FBN2: variants seen among roughly 807,000 people sequenced by gnomAD.
FBN2 encodes the protein fibrillin 2.
Under a neutral mutation model 355.6 loss-of-function variants are expected in FBN2, and 105 were observed. That is an observed-to-expected ratio of 0.30 (90% confidence interval 0.25 to 0.35). The LOEUF (loss-of-function observed/expected upper bound fraction) is 0.35, where lower values mean the gene tolerates loss of function less well. Ranked by LOEUF, FBN2 falls within the 10% of genes least tolerant of loss-of-function variation. The pLI is 1.00. For synonymous variants in FBN2, 1,350 were observed against 1,301.2 expected, an observed-to-expected ratio of 1.04 and a Z score of -0.81; for missense variants, 3,280 against 3,758.7, an observed-to-expected ratio of 0.87 and a Z score of 3.33.
intron 8 of FBN2, among the ~76,000 whole-genome samples, chr5:128,404,465 C>T (rs1752876881): frequency 6.6e-6 from 1 of 152,202 alleles, no homozygotes; most frequent in Non-Finnish European, 1.5e-5. Context: ...GCTTTCCGAA[C>T]CTCAAGTTAG....
At chr5:128,514,781 T>C (rs1756234981) in intron 5 of FBN2, among the ~76,000 whole-genome samples, 1 of 152,184 alleles carries the variant, frequency 6.6e-6, no homozygotes, top group Non-Finnish European at 1.5e-5. Context: ...TTATGAGTAA[T>C]TAGATTCTCG....
At chr5:128,334,032 T>A (rs1436847716) in intron 31 of FBN2, among the ~76,000 whole-genome samples, 1 of 151,996 alleles carries the variant, frequency 6.6e-6, no homozygotes, top group African/African-American at 2.4e-5. Flanking sequence ...AGTCTTAAAT[T>A]GTGCACTGAG....
chr5:128,347,438 A>C (rs1459484664), intron 23 of FBN2, among the ~76,000 whole-genome samples: 1 of 152,196 alleles, frequency 6.6e-6, no homozygotes, highest in Non-Finnish European at 1.5e-5. Context: ...CTTGCATGGA[A>C]ATTAAAATAT....
At chr5:128,460,806 T>C (rs1013237006) in intron 6 of FBN2, among the ~76,000 whole-genome samples, 4 of 152,210 alleles carry the variant, frequency 2.6e-5, no homozygotes, top group African/African-American at 7.2e-5. Flanking sequence ...GCTAGCCATA[T>C]GCAGAAAATT....
intron 39 of FBN2, among the ~76,000 whole-genome samples, chr5:128,310,398 ATATATTTTTTT>A (rs1419271350): frequency 2.5e-3 from 28 of 11,206 alleles, no homozygotes; most frequent in East Asian, 0.02. Context: ...ATATATATAT[ATATATTTTTTT>A]TTTTTTTTTT....
intron 48 of FBN2, among the ~76,000 whole-genome samples, chr5:128,299,166 C>T (rs1346031466): frequency 1.3e-5 from 2 of 151,912 alleles, no homozygotes; most frequent in Non-Finnish European, 2.9e-5. Context: ...GTCAGGGACC[C>T]ACTTGAGGAG....
chr5:128,457,968 A>C (rs1754445517), intron 6 of FBN2, among the ~76,000 whole-genome samples: 1 of 152,156 alleles, frequency 6.6e-6, no homozygotes, highest in South Asian at 2.1e-4. Context: ...GACAATACTA[A>C]CCTTAAATGT....
At chr5:128,304,469 A>G (rs189173257) in intron 45 of FBN2, among the ~76,000 whole-genome samples, 2 of 152,368 alleles carry the variant, frequency 1.3e-5, no homozygotes, top group East Asian at 1.9e-4. Context: ...TAAGGGATAA[A>G]ACACAAAATA....
rs3805659 is a variant in FBN2 at position 128,444,666 on chromosome 5, C to T, written c.952+1815G>A. ...GGTGGTGCCTACGTGCTATCAATGT[C>T]CCTCTTTCCTAAAGAACATAGGCAA... On this transcript the variant is annotated intron_variant, in intron 7 of 64. Coordinates refer to ENST00000262464, the MANE Select transcript of FBN2 (RefSeq NM_001999.4). Among the ~76,000 whole-genome samples, 181 of 152,296 alleles carry T rather than the reference C, an allele frequency of 1.2e-3. 4 individuals carry two copies. In the East Asian group the frequency reaches 0.032, roughly 27 times the overall value.
At chr5:128,307,964 T>C (rs1474043793) in intron 41 of FBN2, among the ~76,000 whole-genome samples, 2 of 152,126 alleles carry the variant, frequency 1.3e-5, no homozygotes, top group Non-Finnish European at 2.9e-5. Flanking sequence ...ATACCGAGTA[T>C]TGAGAACAGA....
rs571067610 is a variant in FBN2 at position 128,425,207 on chromosome 5, T to C, written c.953-16408A>G. Among the ~76,000 whole-genome samples the C allele has an allele frequency of 9.2e-5, 14 of 152,274 alleles. No homozygotes were observed. The East Asian group carries it at 2.7e-3, about 29-fold the overall frequency. Reference sequence around the variant, plus strand: ...GTTTTAAAATACTGAAGACTTAACATAATGACACTAAGCTTTACAGGGGAA... The same window carrying C: ...GTTTTAAAATACTGAAGACTTAACACAATGACACTAAGCTTTACAGGGGAA... On this transcript the variant is annotated intron_variant, in intron 7 of 64. Coordinates refer to ENST00000262464, the MANE Select transcript of FBN2 (RefSeq NM_001999.4).
chr5:128,480,008 ATATATATATATATATG>A lies in FBN2; in HGVS notation c.629-15103_629-15088del, dbSNP rs1374072117. The stretch of plus-strand genomic sequence containing the variant: ...TATATATATATATATATATATATAT[ATATATATATATATATG>A]TATATACACACACACACACACATAT... On this transcript the variant is annotated intron_variant, in intron 5 of 64. Coordinates refer to ENST00000262464, the MANE Select transcript of FBN2 (RefSeq NM_001999.4). 3.2e-3 allele frequency among the ~76,000 whole-genome samples: 256 copies of A among 80,932 alleles called. 1 individual carries two copies. The highest frequency in any genetic ancestry group is 5.7e-3 in the South Asian group (15 of 2,654). 53.1% of individuals were successfully genotyped at this position (80,932 alleles called of 152,430 possible).
intron 6 of FBN2, among the ~76,000 whole-genome samples, chr5:128,452,217 T>C (rs1368980967): frequency 6.6e-6 from 1 of 152,178 alleles, no homozygotes; most frequent in African/African-American, 2.4e-5. Context: ...TACTAATGAT[T>C]GATTAATTCT....
intron 31 of FBN2, 75 bp from the exon 32 acceptor site, chr5:128,333,109 T>C: frequency 5.3e-6 from 7 of 1,328,058 alleles, no homozygotes; most frequent in East Asian, 4.8e-5. Flanking sequence ...TATTTTTGTA[T>C]AGGTAACATT....
intron 50 of FBN2, 31 bp downstream of exon 50, chr5:128,290,701 A>G (rs1581191663): frequency 6.2e-7 from 1 of 1,611,836 alleles, no homozygotes; most frequent in Non-Finnish European, 8.5e-7. Context: ...CTGGTACACA[A>G]AGTGCTGTCT....
intron 48 of FBN2, 149 bp downstream of exon 48, chr5:128,300,668 G>C (rs1283751794): frequency 1.3e-6 from 1 of 794,292 alleles, no homozygotes; most frequent in African/African-American, 1.7e-5. Flanking sequence ...CATTTCTGAT[G>C]GTTCAGTAAA....
chr5:128,446,386 A>T, intron 7 of FBN2, 95 bp downstream of exon 7: 1 of 1,304,356 alleles, frequency 7.7e-7, no homozygotes, highest in Non-Finnish European at 1.1e-6. Context: ...AAGAGTTTTA[A>T]TTGTGACCAG....
At chr5:128,528,281 G>T (rs186621086) in intron 3 of FBN2, among the ~76,000 whole-genome samples, 125 of 152,272 alleles carry the variant, frequency 8.2e-4, no homozygotes, top group African/African-American at 3.0e-3. Flanking sequence ...AATGCAGGAG[G>T]TGAGTGCCCA....
At chr5:128,275,269 A>G (rs2126806487) in intron 59 of FBN2, among the ~76,000 whole-genome samples, 1 of 152,272 alleles carries the variant, frequency 6.6e-6, no homozygotes, top group Middle Eastern at 3.4e-3. Context: ...TTTAAAATAA[A>G]TATACCACAT....
Sources: gnomAD v4.1 joint callset for allele counts (sites outside exome capture counted in the v4.1 genomes callset) on GRCh38, gnomAD v4.1.1 for gene constraint, MANE v1.5 for transcripts, NCBI Gene and HGNC (gene_info 2026-07-23, HGNC 2026-07-21) for gene names.